CCDC85C: variants seen among roughly 807,000 people sequenced by gnomAD.
CCDC85C encodes the protein coiled-coil domain-containing protein 85C.
In CCDC85C, 18 loss-of-function variants were observed where a neutral mutation model predicts 38.3. The observed-to-expected ratio is 0.47, with a 90% CI of 0.33 to 0.70. CCDC85C has a LOEUF of 0.70. Ranked by LOEUF, CCDC85C falls within the 30% of genes least tolerant of loss-of-function variation. The pLI is 0.03. For missense variants in CCDC85C, 566 were observed against 621.2 expected, an observed-to-expected ratio of 0.91 and a Z score of 0.94; for synonymous variants, 264 against 293.8, an observed-to-expected ratio of 0.90 and a Z score of 1.04.
At chr14:99,568,479 T>G (rs1188437141) in intron 1 of CCDC85C, among the ~76,000 whole-genome samples, 1 of 151,934 alleles carries the variant, frequency 6.6e-6, no homozygotes, top group Non-Finnish European at 1.5e-5. Flanking sequence ...CCTCCCCAGC[T>G]TCCTTGGGGG....
At chr14:99,597,149 C>T (rs555617995) in intron 1 of CCDC85C, among the ~76,000 whole-genome samples, 215 of 152,146 alleles carry the variant, frequency 1.4e-3, no homozygotes, top group Admixed American at 5.8e-3. Context: ...CAGCCCACAC[C>T]ACAGTGGTCA....
rs1898285427 is a variant in CCDC85C, at chr14:99,569,233, A to T, written c.794-33145T>A. On this transcript the variant is annotated intron_variant, in intron 1 of 5. Transcript: ENST00000380243. The surrounding 1 kb of genome is among the most constrained non-coding windows in gnomAD (Gnocchi z 4.3). Reference sequence around the variant, plus strand: ...GAAGACCTAAATCCTCCCAACTCCCAGGGGTGGCCCTCCAGTACGAAGGCT... The same window carrying T: ...GAAGACCTAAATCCTCCCAACTCCCTGGGGTGGCCCTCCAGTACGAAGGCT... 6.6e-6 allele frequency among the ~76,000 whole-genome samples: 1 copy of T among 152,236 alleles called. No individual in the cohort carries two copies. Among genetic ancestry groups the T allele is most frequent in the Non-Finnish European group, 1.5e-5 (1 of 68,034 alleles).
intron 3 of CCDC85C, among the ~76,000 whole-genome samples, chr14:99,518,049 T>C (rs1263982714): frequency 6.6e-6 from 1 of 152,086 alleles, no homozygotes; most frequent in Non-Finnish European, 1.5e-5. Flanking sequence ...GGGCCAACCA[T>C]GGAAGCTGAG....
At position 99,510,034 on chromosome 14, in the gene CCDC85C, CCACAGAGGAGGCGGGCAGCT is replaced by C. The variant is rs1379303753; in HGVS notation, c.*5192_*5211del. 1.0e-6 allele frequency: 1 copy of C among 960,994 alleles called. No homozygotes were observed. The highest frequency in any genetic ancestry group is 1.5e-6 in the Non-Finnish European group (1 of 661,224). The allele number at this position is 960,994 out of a possible 1,614,324, so 59.5% of individuals were successfully genotyped here. A position where few individuals can be genotyped will look rare whatever the true frequency, so the allele number is the denominator to read the frequency against. ...ATGGGGCATGGGCCCATGCGTTGGG[CCACAGAGGAGGCGGGCAGCT>C]GCTCCCTGCTCCTCTGTAAAGATGG... is the stretch of plus-strand genomic sequence containing the variant. On this transcript the variant is annotated 3_prime_UTR_variant, in exon 6 of 6. Transcript: ENST00000380243.
At chr14:99,591,490 C>T (rs969730457) in intron 1 of CCDC85C, among the ~76,000 whole-genome samples, 12 of 152,234 alleles carry the variant, frequency 7.9e-5, no homozygotes, top group African/African-American at 2.2e-4. Flanking sequence ...GGTCCCACAT[C>T]CTGTAGTCCA....
At position 99,522,247 on chromosome 14, in the gene CCDC85C, G is replaced by T; in HGVS notation, c.868-7C>A. The T allele has an allele frequency of 6.5e-7, 1 of 1,542,826 alleles. No individual in the cohort carries two copies. Among genetic ancestry groups the T allele is most frequent in the South Asian group, 1.2e-5 (1 of 83,908 alleles). Reference sequence around the variant, plus strand: ...ACTCTCCGGAGCCTGCCTGCTGCAGGGGAGAGAAGGAGAGGGGTTAGACGG... The same window carrying T: ...ACTCTCCGGAGCCTGCCTGCTGCAGTGGAGAGAAGGAGAGGGGTTAGACGG... On this transcript the variant is annotated splice_polypyrimidine_tract_variant and splice_region_variant and intron_variant, in intron 2 of 5. Coordinates refer to ENST00000380243, the MANE Select transcript of CCDC85C (RefSeq NM_001144995.2).
In CCDC85C at chr14:99,518,083, G is replaced by T. The variant is rs528191534; in HGVS notation, c.976-900C>A. Reference sequence around the variant, plus strand: ...AGTCTGCCGCCCTCTCTGTAAATGGGGCCCTGATGACGCCTCCCAACGGCC... The same window carrying T: ...AGTCTGCCGCCCTCTCTGTAAATGGTGCCCTGATGACGCCTCCCAACGGCC... On this transcript the variant is annotated intron_variant, in intron 3 of 5. Transcript: ENST00000380243. Among the ~76,000 whole-genome samples, 15 of 152,256 alleles carry T rather than the reference G, an allele frequency of 9.9e-5. No individual in the cohort carries two copies. In the South Asian group the frequency reaches 3.1e-3, roughly 32 times the overall value.
chr14:99,555,781 C>A (rs550653765), intron 1 of CCDC85C, among the ~76,000 whole-genome samples: 1 of 152,300 alleles, frequency 6.6e-6, no homozygotes, highest in African/African-American at 2.4e-5. Flanking sequence ...TGCATGTCTC[C>A]AAGAGCCTCC....
At chr14:99,571,672 C>T (rs747071510) in intron 1 of CCDC85C, among the ~76,000 whole-genome samples, 15 of 152,338 alleles carry the variant, frequency 9.8e-5, no homozygotes, top group East Asian at 1.9e-4. Context: ...GTAAGATTTA[C>T]GATGCCAGCA....
rs144995834 is a variant in CCDC85C at position 99,536,197 on chromosome 14, T to A, written c.794-109A>T. ...GCATGGAAGGTTTGGGTCTGAGGAG[T>A]CCCACCCCACAGCCAGGTGACGCCC... is the stretch of plus-strand genomic sequence containing the variant. On this transcript the variant is annotated intron_variant, in intron 1 of 5. Coordinates refer to ENST00000380243, the MANE Select transcript of CCDC85C (RefSeq NM_001144995.2). 6.3e-4 allele frequency: 489 copies of A among 774,388 alleles called. 5 individuals are homozygous for A. The East Asian group carries it at 0.012, about 18-fold the overall frequency. 48.0% of individuals were successfully genotyped at this position (774,388 alleles called of 1,614,324 possible). A position where few individuals can be genotyped will look rare whatever the true frequency, so the allele number is the denominator to read the frequency against.
intron 1 of CCDC85C, among the ~76,000 whole-genome samples, chr14:99,583,757 G>A (rs946730675): frequency 4.0e-5 from 6 of 150,328 alleles, no homozygotes; most frequent in Non-Finnish European, 7.4e-5. Flanking sequence ...GCAGTGAGCC[G>A]AGATCGCGTC....
In CCDC85C at chr14:99,536,105, G is replaced by A. The variant is rs1033269099; in HGVS notation, c.794-17C>T. 19 of 1,529,446 alleles carry A rather than the reference G, an allele frequency of 1.2e-5. No individual in the cohort carries two copies. In the East Asian group the frequency reaches 4.4e-4, roughly 36 times the overall value. The allele number at this position is 1,529,446 out of a possible 1,614,324, so 94.7% of individuals were successfully genotyped here. The stretch of plus-strand genomic sequence containing the variant: ...ATGAGGGATCTGGAAGGACACAAGA[G>A]GAAGGGGGACATTAGCCTCCAGCAG... On this transcript the variant is annotated splice_polypyrimidine_tract_variant and intron_variant, in intron 1 of 5. Coordinates refer to ENST00000380243, the MANE Select transcript of CCDC85C (RefSeq NM_001144995.2).
intron 1 of CCDC85C, among the ~76,000 whole-genome samples, chr14:99,601,303 T>C (rs146228440): frequency 4.9e-4 from 75 of 152,344 alleles, no homozygotes; most frequent in African/African-American, 1.8e-3. Context: ...GGAAACCCTA[T>C]ACTTCAACCT....
In CCDC85C at chr14:99,500,990, G is replaced by A. The variant is rs944995315; in HGVS notation, c.*14256C>T. On this transcript the variant is annotated 3_prime_UTR_variant, in exon 6 of 6. Coordinates refer to ENST00000380243, the MANE Select transcript of CCDC85C (RefSeq NM_001144995.2). ...CAAAGTTTGATGTGTGAAATACCAA[G>A]GGCATGGCTTGCTCAGTCAATTCAG... 5.7e-5 allele frequency: 39 copies of A among 686,040 alleles called. No individual in the cohort carries two copies. The highest frequency in any genetic ancestry group is 5.2e-4 in the Admixed American group (18 of 34,800). 42.5% of individuals were successfully genotyped at this position (686,040 alleles called of 1,614,324 possible). A position where few individuals can be genotyped will look rare whatever the true frequency, so the allele number is the denominator to read the frequency against.
chr14:99,590,176 G>A (rs1041506418), intron 1 of CCDC85C, among the ~76,000 whole-genome samples: 24 of 152,098 alleles, frequency 1.6e-4, no homozygotes, highest in African/African-American at 5.8e-4. Context: ...GCAAAAGGGT[G>A]GGGAGCATCC....
At chr14:99,595,514 G>A (rs142523994) in intron 1 of CCDC85C, among the ~76,000 whole-genome samples, 1 of 152,096 alleles carries the variant, frequency 6.6e-6, no homozygotes, top group Admixed American at 6.5e-5. Flanking sequence ...TTCTTTCTGC[G>A]AAGCCTGGTC....
At chr14:99,538,661 C>T (rs1277565952) in intron 1 of CCDC85C, among the ~76,000 whole-genome samples, 2 of 152,248 alleles carry the variant, frequency 1.3e-5, no homozygotes, top group Non-Finnish European at 2.9e-5. Context: ...CATGAGCCCA[C>T]AATCGGAGGA....
Position 99,517,201 on chromosome 14 carries a change from ACATCT to A in CCDC85C, c.976-23_976-19del, listed in dbSNP as rs1284457228. The A allele has an allele frequency of 5.3e-6, 8 of 1,521,068 alleles. No homozygotes were observed. The highest frequency in any genetic ancestry group is 4.1e-5 in the African/African-American group (3 of 72,502). The allele number at this position is 1,521,068 out of a possible 1,614,324, so 94.2% of individuals were successfully genotyped here. ...GCCGGGCCCTGGGGAAGGCAATCAC[ACATCT>A]CAGCTCACCCTGGCTGGCTCCCACA... is the stretch of plus-strand genomic sequence containing the variant. On this transcript the variant is annotated intron_variant, in intron 3 of 5. Coordinates refer to ENST00000380243, the MANE Select transcript of CCDC85C (RefSeq NM_001144995.2).
intron 1 of CCDC85C, among the ~76,000 whole-genome samples, chr14:99,567,381 G>A (rs1251783875): frequency 6.6e-6 from 1 of 152,208 alleles, no homozygotes; most frequent in Admixed American, 6.5e-5. Context: ...GATGAGTTGG[G>A]GGCGTGACAA....
Sources: gnomAD v4.1 joint callset for allele counts (sites outside exome capture counted in the v4.1 genomes callset) on GRCh38, gnomAD v4.1.1 for gene constraint, Gnocchi (gnomAD v3.1) non-coding constraint, MANE v1.5 for transcripts, NCBI Gene and HGNC (gene_info 2026-07-23, HGNC 2026-07-21) for gene names.